The following ADAMTS20 variants were observed in gnomAD, a reference collection of about 807,000 sequenced individuals.
ADAMTS20 encodes ADAM metallopeptidase with thrombospondin type 1 motif 20.
ADAMTS20 carries 225 observed loss-of-function variants against 260.1 expected under a neutral mutation model. The observed-to-expected ratio is 0.87, with a 90% CI of 0.78 to 0.97. The LOEUF (loss-of-function observed/expected upper bound fraction) is 0.97, where lower values mean the gene tolerates loss of function less well. ADAMTS20 is among the 50% of genes least tolerant of loss of function. ADAMTS20 has a pLI of 0.00. For synonymous variants in ADAMTS20, 802 were observed against 769.5 expected, an observed-to-expected ratio of 1.04 and a Z score of -0.70; for missense variants, 2,400 against 2,337.7, an observed-to-expected ratio of 1.03 and a Z score of -0.55.
chr12:43,547,512 T>A (rs1943456587), intron 2 of ADAMTS20, among the ~76,000 whole-genome samples: 1 of 152,044 alleles, frequency 6.6e-6, no homozygotes, highest in African/African-American at 2.4e-5. Flanking sequence ...TATGTGGGAC[T>A]CAAGGAAGGA....
chr12:43,508,700 ACAT>A (rs1351708361), intron 3 of ADAMTS20, among the ~76,000 whole-genome samples: 1 of 152,198 alleles, frequency 6.6e-6, no homozygotes, highest in African/African-American at 2.4e-5. Flanking sequence ...GTACATAATA[ACAT>A]CAGGGTAAAT....
chr12:43,531,298 A>T (rs1211229355), intron 3 of ADAMTS20, among the ~76,000 whole-genome samples: 1 of 152,124 alleles, frequency 6.6e-6, no homozygotes. Flanking sequence ...TTTTACTGTT[A>T]CTTAGGTTCA....
intron 7 of ADAMTS20, among the ~76,000 whole-genome samples, chr12:43,488,400 C>T (rs1329421285): frequency 6.6e-6 from 1 of 152,016 alleles, no homozygotes. Flanking sequence ...ATGATGCAAC[C>T]CACACAGTGA....
At chr12:43,413,884 A>G (rs1273979842) in intron 28 of ADAMTS20, among the ~76,000 whole-genome samples, 1 of 152,124 alleles carries the variant, frequency 6.6e-6, no homozygotes, top group Admixed American at 6.6e-5. Flanking sequence ...CCACACTCCT[A>G]AACACTTTCC....
rs1490311762 is a variant in ADAMTS20, at chr12:43,500,299, G to A, written c.867+1853C>T. ...ATGCCTCGGCCTCTCAAAGTGGTGCGATTACAGGCGTGAGCCACTACGCCG... is the reference window on the plus strand; with the variant it reads ...ATGCCTCGGCCTCTCAAAGTGGTGCAATTACAGGCGTGAGCCACTACGCCG... On this transcript the variant is annotated intron_variant, in intron 4 of 38. Coordinates refer to ENST00000389420, the MANE Select transcript of ADAMTS20 (RefSeq NM_025003.5). Among the ~76,000 whole-genome samples, 12 of 152,164 alleles carry A rather than the reference G, an allele frequency of 7.9e-5. No homozygotes were observed. In the South Asian group the frequency reaches 1.7e-3, roughly 21 times the overall value.
intron 6 of ADAMTS20, among the ~76,000 whole-genome samples, chr12:43,491,751 G>T (rs1592095445): frequency 6.6e-6 from 1 of 152,224 alleles, no homozygotes. Context: ...CAGATAAACA[G>T]ATTTTTAAAA....
chr12:43,462,907 G>A lies in ADAMTS20; in HGVS notation c.1602C>T (p.Cys534=), dbSNP rs147596386. Residue 534 remains cysteine, a synonymous_variant, in exon 11 of 39, where the codon TGC becomes TGT. Coordinates refer to ENST00000389420, the MANE Select transcript of ADAMTS20 (RefSeq NM_025003.5). ...CAAGAAAACCTACCATTCCAGGACC[G>A]CAGTCTGTTCCATCTGCTGGTGGCA... The part of the protein sequence containing the change: ...QHVPPADGTD[C]GPGMHCRHGL... 1.1e-5 allele frequency: 18 copies of A among 1,604,046 alleles called. No individual in the cohort carries two copies. Among genetic ancestry groups the A allele is most frequent in the Middle Eastern group, 3.3e-4 (2 of 6,076 alleles).
chr12:43,424,243 C>T (rs1470915199), intron 28 of ADAMTS20, among the ~76,000 whole-genome samples: 5 of 151,970 alleles, frequency 3.3e-5, no homozygotes, highest in Admixed American at 6.6e-5. Context: ...TTTAAAATAT[C>T]AATGGTAATC....
intron 15 of ADAMTS20, 75 bp downstream of exon 15, chr12:43,446,520 A>G: frequency 9.0e-7 from 1 of 1,105,438 alleles, no homozygotes; most frequent in Non-Finnish European, 1.3e-6. Context: ...ACAAAGAATT[A>G]CTGTTACACC....
intron 28 of ADAMTS20, among the ~76,000 whole-genome samples, chr12:43,421,029 G>A (rs1365030207): frequency 4.6e-5 from 7 of 150,956 alleles, no homozygotes; most frequent in African/African-American, 1.2e-4. Context: ...GGCTGGTCTC[G>A]AACTCCTGGC....
chr12:43,432,829 C>T lies in ADAMTS20; in HGVS notation c.2721-18G>A, dbSNP rs751944215. 3.2e-6 allele frequency: 5 copies of T among 1,584,382 alleles called. No individual in the cohort carries two copies. In the Admixed American group the frequency reaches 8.3e-5, roughly 26 times the overall value. ...CATGCCACCTTGAAAAAAGATGTTA[C>T]TATACTTAGGAGGTATATTACATAA... On this transcript the variant is annotated intron_variant, in intron 19 of 38. Transcript: ENST00000389420.
chr12:43,383,695 G>T lies in ADAMTS20; in HGVS notation c.4660C>A (p.Gln1554Lys). Residue 1554 changes from glutamine (Q) to lysine (K), a missense_variant, in exon 31 of 39, where the codon CAA (glutamine) becomes AAA (lysine). Physicochemically the swap from Gln to Lys is moderately conservative, Grantham distance 53 (BLOSUM62 1). Coordinates refer to ENST00000389420, the MANE Select transcript of ADAMTS20 (RefSeq NM_025003.5). ...STSCERKDSH[Q>K]RMECTDNQIR... ...TGGTTATCTGTGCACTCCATTCGTT[G>T]ATGTGAATCTTTTCTCTCACATGAT... The T allele has an allele frequency of 1.1e-5, 18 of 1,613,868 alleles. No homozygotes were observed. The highest frequency in any genetic ancestry group is 1.4e-5 in the Non-Finnish European group (17 of 1,179,834).
rs557488420 is a variant in ADAMTS20, at chr12:43,436,180, G to A, written c.2594-1809C>T. ...ACAGAGCCAAGGAATTGGAACCTAA[G>A]CCTGCAAAGTGGGAAAGTAAATAAG... is the stretch of plus-strand genomic sequence containing the variant. On this transcript the variant is annotated intron_variant, in intron 18 of 38. Coordinates refer to ENST00000389420, the MANE Select transcript of ADAMTS20 (RefSeq NM_025003.5). 8.5e-5 allele frequency among the ~76,000 whole-genome samples: 13 copies of A among 152,282 alleles called. No individual in the cohort carries two copies. The South Asian group carries it at 2.3e-3, about 27-fold the overall frequency.
chr12:43,462,264 T>C (rs969699328), intron 11 of ADAMTS20, among the ~76,000 whole-genome samples: 3 of 152,206 alleles, frequency 2.0e-5, no homozygotes, highest in African/African-American at 7.2e-5. Context: ...AAACACTTAA[T>C]GTAGTCAACA....
chr12:43,380,575 AT>A (rs1565672962), intron 31 of ADAMTS20, among the ~76,000 whole-genome samples: 1 of 152,124 alleles, frequency 6.6e-6, no homozygotes, highest in African/African-American at 2.4e-5. Flanking sequence ...CCCCCAAAAA[AT>A]TTTCAATACA....
At chr12:43,536,739 A>T (rs1449382046) in intron 2 of ADAMTS20, among the ~76,000 whole-genome samples, 1 of 152,210 alleles carries the variant, frequency 6.6e-6, no homozygotes, top group African/African-American at 2.4e-5. Flanking sequence ...GCCAGCTAGG[A>T]GATACAGAGT....
intron 4 of ADAMTS20, among the ~76,000 whole-genome samples, chr12:43,495,930 C>T (rs935778009): frequency 2.0e-5 from 3 of 152,030 alleles, no homozygotes; most frequent in Non-Finnish European, 4.4e-5. Flanking sequence ...TATACGTATA[C>T]CTTTAACTAT....
At position 43,429,773 on chromosome 12, in the gene ADAMTS20, T is replaced by A. The variant is rs371466499; in HGVS notation, c.3382-49A>T. On this transcript the variant is annotated intron_variant, in intron 23 of 38. Transcript: ENST00000389420. Reference sequence around the variant, plus strand: ...CGTAAAACATTAATTAATGACTGATTTATACAAAATCTAATACTTCACTTC... The same window carrying A: ...CGTAAAACATTAATTAATGACTGATATATACAAAATCTAATACTTCACTTC... 11 of 1,218,534 alleles carry A rather than the reference T, an allele frequency of 9.0e-6. No homozygotes were observed. In the African/African-American group the frequency reaches 1.7e-4, roughly 19 times the overall value. 75.5% of individuals were successfully genotyped at this position (1,218,534 alleles called of 1,614,324 possible).
intron 3 of ADAMTS20, among the ~76,000 whole-genome samples, chr12:43,521,239 G>A (rs937239389): frequency 3.3e-5 from 5 of 152,288 alleles, no homozygotes; most frequent in African/African-American, 4.8e-5. Flanking sequence ...AGTTAGCAGC[G>A]CAGCCAGAAC....
Sources: gnomAD v4.1 joint callset for allele counts (sites outside exome capture counted in the v4.1 genomes callset) on GRCh38, gnomAD v4.1.1 for gene constraint, MANE v1.5 for transcripts, NCBI Gene and HGNC (gene_info 2026-07-23, HGNC 2026-07-21) for gene names.